DPYS: variants seen among roughly 807,000 people sequenced by gnomAD.
DPYS encodes the protein dihydropyrimidine amidohydrolase.
Under a neutral mutation model 50.3 loss-of-function variants are expected in DPYS, and 39 were observed. The ratio of observed to expected loss-of-function variants is 0.78; its 90% confidence interval spans 0.60 to 1.01. DPYS has a LOEUF of 1.01. Among genes scored for constraint, DPYS ranks in the 50% least tolerant of loss-of-function variants. The pLI is 0.00. For synonymous variants in DPYS, 245 were observed against 250.7 expected (o/e 0.98, Z 0.22); for missense variants, 659 against 680.9 (o/e 0.97, Z 0.36).
intron 4 of DPYS, among the ~76,000 whole-genome samples, chr8:104,443,551 T>A (rs1409148436): frequency 6.6e-6 from 1 of 152,126 alleles, no homozygotes; most frequent in African/African-American, 2.4e-5. Context: ...ATTCAGGTAG[T>A]GGGAAGGGTA....
chr8:104,392,916 G>A lies in DPYS; in HGVS notation c.1311C>T (p.Pro437=). ...CTTTGCCTCTTGAAATAGTCACAAG[G>A]GGCACCCCGTGGCAAACCATGCCCT... ...IFEGMVCHGV[P]LVTISRGKVV... The change falls in exon 8 of 10, where the codon CCC becomes CCT. Residue 437 remains proline (P), a synonymous_variant. Transcript: ENST00000351513. The A allele has an allele frequency of 6.2e-7, 1 of 1,614,180 alleles. No homozygotes were observed.
chr8:104,462,243 G>C (rs548773796), intron 1 of DPYS, among the ~76,000 whole-genome samples: 1 of 152,236 alleles, frequency 6.6e-6, no homozygotes, highest in South Asian at 2.1e-4. Context: ...CTTGCCTAAG[G>C]TCACAAAATC....
intron 7 of DPYS, among the ~76,000 whole-genome samples, chr8:104,413,125 T>C (rs1380043545): frequency 6.6e-6 from 1 of 151,970 alleles, no homozygotes; most frequent in East Asian, 1.9e-4. Context: ...TAGTGAAAAA[T>C]TGCAAACAAC....
chr8:104,384,043 C>CA (rs1811136893), intron 8 of DPYS, among the ~76,000 whole-genome samples: 1 of 152,096 alleles, frequency 6.6e-6, no homozygotes, highest in African/African-American at 2.4e-5. Flanking sequence ...CTAACCTGCA[C>CA]CCTCTCTCTC....
At chr8:104,462,948 G>A (rs1012633047) in intron 1 of DPYS, among the ~76,000 whole-genome samples, 1 of 152,120 alleles carries the variant, frequency 6.6e-6, no homozygotes, top group Admixed American at 6.5e-5. Context: ...ATCAATTATA[G>A]GCTTTAAACC....
intron 1 of DPYS, among the ~76,000 whole-genome samples, chr8:104,455,573 T>C (rs546762908): frequency 6.6e-6 from 1 of 152,270 alleles, no homozygotes; most frequent in East Asian, 1.9e-4. Flanking sequence ...CCTGGTGGCA[T>C]TTGCAGACAG....
At chr8:104,448,105 G>A (rs551378442) in intron 2 of DPYS, among the ~76,000 whole-genome samples, 1 of 152,160 alleles carries the variant, frequency 6.6e-6, no homozygotes, top group South Asian at 2.1e-4. Context: ...GGCCTTCAGG[G>A]TTGCCAGGGG....
intron 4 of DPYS, among the ~76,000 whole-genome samples, chr8:104,439,572 C>T (rs753427479): frequency 2.0e-5 from 3 of 152,156 alleles, no homozygotes; most frequent in Non-Finnish European, 2.9e-5. Context: ...CGCCTGAGGC[C>T]AGGAGTTCAA....
chr8:104,383,984 C>T (rs1811134746), intron 8 of DPYS, among the ~76,000 whole-genome samples: 1 of 152,146 alleles, frequency 6.6e-6, no homozygotes, highest in Non-Finnish European at 1.5e-5. Flanking sequence ...TCTGGCTTGT[C>T]ACCCTGGTCA....
At chr8:104,384,790 A>G (rs1178462261) in intron 8 of DPYS, among the ~76,000 whole-genome samples, 1 of 152,200 alleles carries the variant, frequency 6.6e-6, no homozygotes, top group Non-Finnish European at 1.5e-5. Flanking sequence ...TGCAGCATAA[A>G]ACACATAGAA....
chr8:104,448,472 T>C (rs946274030), intron 2 of DPYS, among the ~76,000 whole-genome samples: 13 of 152,102 alleles, frequency 8.5e-5, no homozygotes, highest in Admixed American at 2.6e-4. Flanking sequence ...ATTGCTTTTG[T>C]AGGTCAGATT....
intron 7 of DPYS, among the ~76,000 whole-genome samples, chr8:104,418,160 A>G (rs1368129946): frequency 1.3e-5 from 2 of 152,254 alleles, no homozygotes; most frequent in Non-Finnish European, 2.9e-5. Context: ...CATAACCAGC[A>G]GCTCGAATGG....
chr8:104,455,450 ATGAG>A (rs1260041373), intron 1 of DPYS, among the ~76,000 whole-genome samples: 1 of 152,174 alleles, frequency 6.6e-6, no homozygotes, highest in East Asian at 1.9e-4. Flanking sequence ...TTTGACTAGG[ATGAG>A]TGAGACGATG....
intron 7 of DPYS, among the ~76,000 whole-genome samples, chr8:104,396,723 G>A (rs1396780393): frequency 6.6e-6 from 1 of 151,238 alleles, no homozygotes; most frequent in African/African-American, 2.4e-5. Flanking sequence ...CAGATTCCAG[G>A]TATCTTCAGT....
At chr8:104,389,611 G>T (rs1366336697) in intron 8 of DPYS, among the ~76,000 whole-genome samples, 1 of 151,650 alleles carries the variant, frequency 6.6e-6, no homozygotes, top group Non-Finnish European at 1.5e-5. Flanking sequence ...ACAAATCCTG[G>T]CTCTTAGGTT....
chr8:104,457,855 A>T (rs1052082761), intron 1 of DPYS, among the ~76,000 whole-genome samples: 1 of 152,060 alleles, frequency 6.6e-6, no homozygotes, highest in African/African-American at 2.4e-5. Context: ...CCCACCAGAA[A>T]CTTAAGAGTT....
intron 3 of DPYS, among the ~76,000 whole-genome samples, chr8:104,446,051 T>A (rs1481969753): frequency 6.6e-6 from 1 of 151,898 alleles, no homozygotes; most frequent in Non-Finnish European, 1.5e-5. Flanking sequence ...TCTCAAAAAA[T>A]AATAATAATA....
intron 8 of DPYS, among the ~76,000 whole-genome samples, chr8:104,389,745 A>T (rs1309642010): frequency 6.6e-6 from 1 of 152,228 alleles, no homozygotes; most frequent in Non-Finnish European, 1.5e-5. Flanking sequence ...AATAATGAAT[A>T]TAAACCACTT....
intron 1 of DPYS, among the ~76,000 whole-genome samples, chr8:104,462,231 T>G (rs903321545): frequency 1.3e-5 from 2 of 152,138 alleles, no homozygotes; most frequent in African/African-American, 4.8e-5. Context: ...GAGAGGAAAT[T>G]ACTTGCCTAA....
Sources: gnomAD v4.1 joint callset for allele counts (sites outside exome capture counted in the v4.1 genomes callset) on GRCh38, gnomAD v4.1.1 for gene constraint, MANE v1.5 for transcripts, NCBI Gene and HGNC (gene_info 2026-07-23, HGNC 2026-07-21) for gene names.